Variants in TMEM123 observed in about 807,000 individuals in gnomAD.
TMEM123 encodes the protein porimin.
In TMEM123, 16 loss-of-function variants were observed where a neutral mutation model predicts 19.7. The ratio of observed to expected loss-of-function variants is 0.81; its 90% CI spans 0.55 to 1.23. The LOEUF (loss-of-function observed/expected upper bound fraction) is 1.23, where lower values mean the gene tolerates loss of function less well. Ranked by LOEUF, TMEM123 falls within the 50% of genes most tolerant of loss-of-function variation. TMEM123 has a pLI of 0.00. For missense variants in TMEM123, 313 were observed against 257.8 expected (o/e 1.21, Z -1.47); for synonymous variants, 118 against 99.4 (o/e 1.19, Z -1.12).
chr11:102,412,055 C>T (rs1407604130), intron 2 of TMEM123, among the ~76,000 whole-genome samples: 1 of 152,176 alleles, frequency 6.6e-6, no homozygotes, highest in Admixed American at 6.5e-5. Context: ...GGTGCCTGGG[C>T]TGCTTCCCAC....
intron 4 of TMEM123, among the ~76,000 whole-genome samples, chr11:102,400,573 C>T (rs1245426608): frequency 2.0e-5 from 3 of 152,212 alleles, no homozygotes; most frequent in Non-Finnish European, 2.9e-5. Flanking sequence ...AGTGAATTAG[C>T]TCTTACATTT....
chr11:102,437,571 T>C (rs1857777679), intron 2 of TMEM123, among the ~76,000 whole-genome samples: 1 of 152,118 alleles, frequency 6.6e-6, no homozygotes, highest in Non-Finnish European at 1.5e-5. Context: ...AAGCATTTAA[T>C]TTGGGTCCTA....
chr11:102,420,213 C>A (rs1364600152), intron 2 of TMEM123, among the ~76,000 whole-genome samples: 1 of 152,162 alleles, frequency 6.6e-6, no homozygotes, highest in South Asian at 2.1e-4. Flanking sequence ...CCCTTGCCCC[C>A]CAAGGCTTCT....
At chr11:102,400,993 A>C (rs1441794001) in intron 4 of TMEM123, among the ~76,000 whole-genome samples, 1 of 152,236 alleles carries the variant, frequency 6.6e-6, no homozygotes, top group Non-Finnish European at 1.5e-5. Context: ...TGTAGAGTAA[A>C]CATGGATTAG....
At chr11:102,422,423 G>C (rs188483129) in intron 2 of TMEM123, among the ~76,000 whole-genome samples, 1 of 152,032 alleles carries the variant, frequency 6.6e-6, no homozygotes, top group African/African-American at 2.4e-5. Context: ...GCAGTGAGCC[G>C]AGATTGTGTC....
intron 2 of TMEM123, among the ~76,000 whole-genome samples, chr11:102,437,070 G>A (rs997282168): frequency 1.6e-4 from 24 of 152,094 alleles, no homozygotes; most frequent in African/African-American, 5.8e-4. Context: ...ATGCCCCCAA[G>A]TTTTGTTTTC....
chr11:102,421,909 C>T (rs536991840), intron 2 of TMEM123, among the ~76,000 whole-genome samples: 2 of 152,246 alleles, frequency 1.3e-5, no homozygotes, highest in African/African-American at 4.8e-5. Flanking sequence ...GATGAGAAAA[C>T]TGACCCAGAA....
chr11:102,413,976 C>G (rs533580619), intron 2 of TMEM123, among the ~76,000 whole-genome samples: 3 of 152,264 alleles, frequency 2.0e-5, no homozygotes, highest in Admixed American at 2.0e-4. Flanking sequence ...AGTAAAATGA[C>G]ACAAGGGCTG....
rs1361076479 is a variant in TMEM123, at chr11:102,398,037, T to C, written c.*830A>G. Reference sequence around the variant, plus strand: ...CTAAAGTAACTTCCAGTGGTGACAATATTCTCACAGTAGCAAATAATCTAA... The same window carrying C: ...CTAAAGTAACTTCCAGTGGTGACAACATTCTCACAGTAGCAAATAATCTAA... On this transcript the variant is annotated 3_prime_UTR_variant, in exon 5 of 5. Coordinates refer to ENST00000398136, the MANE Select transcript of TMEM123 (RefSeq NM_052932.3). 6.6e-6 allele frequency: 1 copy of C among 152,192 alleles called. No individual in the cohort carries two copies. The highest frequency in any genetic ancestry group is 1.5e-5 in the Non-Finnish European group (1 of 68,028). The allele number at this position is 152,192 out of a possible 1,614,324, so 9.4% of individuals were successfully genotyped here. A position where few individuals can be genotyped will look rare whatever the true frequency, so the allele number is the denominator to read the frequency against.
At chr11:102,406,985 C>T (rs1951961707) in intron 2 of TMEM123, among the ~76,000 whole-genome samples, 1 of 151,950 alleles carries the variant, frequency 6.6e-6, no homozygotes, top group Non-Finnish European at 1.5e-5. Context: ...GCCCACTGCA[C>T]CAAGAGCTGA....
At chr11:102,426,308 T>C (rs1156274257) in intron 2 of TMEM123, among the ~76,000 whole-genome samples, 2 of 152,252 alleles carry the variant, frequency 1.3e-5, no homozygotes, top group African/African-American at 2.4e-5. Flanking sequence ...ATAGCACTTA[T>C]GTGCCAGGCA....
At chr11:102,405,668 G>T (rs747409235) in intron 2 of TMEM123, among the ~76,000 whole-genome samples, 1 of 151,850 alleles carries the variant, frequency 6.6e-6, no homozygotes, top group African/African-American at 2.4e-5. Context: ...TGCTGCTTTC[G>T]GATTCAACAC....
intron 2 of TMEM123, among the ~76,000 whole-genome samples, chr11:102,412,381 TC>T (rs915488058): frequency 1.3e-5 from 2 of 152,142 alleles, no homozygotes; most frequent in African/African-American, 4.8e-5. Flanking sequence ...TGAGCCGAGA[TC>T]GTACCATTGC....
intron 2 of TMEM123, among the ~76,000 whole-genome samples, chr11:102,407,233 A>T (rs1014855660): frequency 6.6e-6 from 1 of 152,250 alleles, no homozygotes; most frequent in Non-Finnish European, 1.5e-5. Flanking sequence ...CTAAGCCCGA[A>T]GTAGGCCTGG....
chr11:102,444,547 T>C (rs1249863738), intron 2 of TMEM123, among the ~76,000 whole-genome samples: 2 of 77,974 alleles, frequency 2.6e-5, no homozygotes, highest in African/African-American at 5.0e-5. Context: ...CTGTCGTGGG[T>C]GGGGGTGGGG....
intron 2 of TMEM123, among the ~76,000 whole-genome samples, chr11:102,421,732 G>A (rs1952088753): frequency 6.6e-6 from 1 of 152,128 alleles, no homozygotes; most frequent in Non-Finnish European, 1.5e-5. Context: ...TGTTAGTAAT[G>A]GTACCAAACT....
chr11:102,414,283 A>C (rs1952027105), intron 2 of TMEM123, among the ~76,000 whole-genome samples: 1 of 152,232 alleles, frequency 6.6e-6, no homozygotes, highest in Non-Finnish European at 1.5e-5. Flanking sequence ...ATATTTGAGG[A>C]TACTGTCCAT....
intron 2 of TMEM123, among the ~76,000 whole-genome samples, chr11:102,409,561 AAG>A (rs1951985015): frequency 1.3e-5 from 2 of 152,114 alleles, no homozygotes; most frequent in Non-Finnish European, 2.9e-5. Context: ...TAAAAAAAAA[AAG>A]ATCTTTTAAA....
intron 2 of TMEM123, among the ~76,000 whole-genome samples, chr11:102,447,242 C>T (rs950703532): frequency 6.6e-6 from 1 of 152,210 alleles, no homozygotes; most frequent in Non-Finnish European, 1.5e-5. Flanking sequence ...TCAAAGTATT[C>T]AGTTGATTTT....
Sources: allele counts gnomAD v4.1 joint callset (sites outside exome capture counted in the v4.1 genomes callset), GRCh38; gene constraint gnomAD v4.1.1; transcripts MANE v1.5; gene names NCBI Gene and HGNC (gene_info 2026-07-23, HGNC 2026-07-21).